The following CAST variants were observed in gnomAD, a reference collection of about 807,000 sequenced individuals.
The protein encoded by CAST is calpastatin.
Under a neutral mutation model 119.6 loss-of-function variants are expected in CAST, and 76 were observed. That is an observed-to-expected ratio of 0.64 (90% CI 0.53 to 0.77). The LOEUF (loss-of-function observed/expected upper bound fraction) is 0.77, where lower values mean the gene tolerates loss of function less well. Ranked by LOEUF, CAST falls within the 30% of genes least tolerant of loss-of-function variation. The pLI is 0.00. For missense variants in CAST, 953 were observed against 946.5 expected, an observed-to-expected ratio of 1.01 and a Z score of -0.09; for synonymous variants, 319 against 331.6, an observed-to-expected ratio of 0.96 and a Z score of 0.41.
intron 1 of CAST, among the ~76,000 whole-genome samples, chr5:96,613,879 T>C (rs1747408075): frequency 6.6e-6 from 1 of 152,228 alleles, no homozygotes; most frequent in South Asian, 2.1e-4. Flanking sequence ...AATGAAATTT[T>C]ATACTTTTTA....
At chr5:96,064,373 T>G in the CAST span, among the ~76,000 whole-genome samples, 1 of 152,148 alleles carries the variant, frequency 6.6e-6, no homozygotes, top group African/African-American at 2.4e-5. Context: ...TAATCTAAAT[T>G]GTTTTTGCAC....
chr5:96,711,807 T>C lies in CAST; in HGVS notation c.211-10832T>C, dbSNP rs112676146. ...TGCTCTTTTGTTATATGCAGTATCT[T>C]AGGACTGCTGAAATTCTAATGGGTG... On this transcript the variant is annotated intron_variant, in intron 3 of 31. Coordinates refer to ENST00000675179, the MANE Select transcript of CAST (RefSeq NM_001750.7). Among the ~76,000 whole-genome samples, 591 of 152,324 alleles carry C rather than the reference T, an allele frequency of 3.9e-3. 10 individuals are homozygous for C. Among genetic ancestry groups the C allele is most frequent in the South Asian group, 0.033 (159 of 4,822 alleles).
At chr5:96,173,078 T>G in the CAST span, among the ~76,000 whole-genome samples, 14 of 152,254 alleles carry the variant, frequency 9.2e-5, no homozygotes, top group African/African-American at 2.9e-4. Context: ...ATCTACATCC[T>G]ACCTCTGGCA....
intron 3 of CAST, among the ~76,000 whole-genome samples, chr5:96,699,803 C>T (rs561594124): frequency 6.6e-6 from 1 of 152,188 alleles, no homozygotes; most frequent in South Asian, 2.1e-4. Context: ...AATATGTGGC[C>T]TCCTGCTGAA....
the CAST span, among the ~76,000 whole-genome samples, chr5:96,129,100 G>A: frequency 2.5e-3 from 383 of 152,166 alleles, 1 homozygote; most frequent in Non-Finnish European, 3.8e-3. Flanking sequence ...TGTCCATTTT[G>A]CACTCTTCTC....
At chr5:96,582,654 C>T (rs1746790228) in intron 1 of CAST, among the ~76,000 whole-genome samples, 1 of 152,206 alleles carries the variant, frequency 6.6e-6, no homozygotes. Context: ...CCTGCATTTC[C>T]CTCCATTAGC....
At chr5:96,241,554 T>C in the CAST span, among the ~76,000 whole-genome samples, 6 of 148,978 alleles carry the variant, frequency 4.0e-5, no homozygotes, top group East Asian at 1.2e-3. Context: ...AGCAGCATGA[T>C]TTATAGTCCT....
the CAST span, among the ~76,000 whole-genome samples, chr5:96,507,232 A>G: frequency 6.6e-6 from 1 of 152,064 alleles, no homozygotes; most frequent in Non-Finnish European, 1.5e-5. Context: ...AGAGGTTGGG[A>G]GAAAAGGGGC....
At chr5:96,299,279 CAACAACAACAACA>C in the CAST span, among the ~76,000 whole-genome samples, 7 of 141,000 alleles carry the variant, frequency 5.0e-5, no homozygotes, top group African/African-American at 1.9e-4. Flanking sequence ...ACAACAACAA[CAACAACAACAACA>C]AACAAACAAA....
the CAST span, among the ~76,000 whole-genome samples, chr5:96,203,704 C>G: frequency 2.6e-5 from 4 of 151,886 alleles, no homozygotes; most frequent in Admixed American, 2.6e-4. Context: ...TTTTTCCTGC[C>G]TAAACTCATG....
At chr5:96,619,380 C>T (rs1452641146) in intron 1 of CAST, among the ~76,000 whole-genome samples, 1 of 147,188 alleles carries the variant, frequency 6.8e-6, no homozygotes, top group South Asian at 2.1e-4. Context: ...CCAATCAGCT[C>T]TCTGTAAAAT....
At chr5:96,336,773 G>A in the CAST span, among the ~76,000 whole-genome samples, 1 of 152,252 alleles carries the variant, frequency 6.6e-6, no homozygotes, top group Non-Finnish European at 1.5e-5. Flanking sequence ...AGCATGTGAT[G>A]GACCTCAAAA....
the CAST span, among the ~76,000 whole-genome samples, chr5:96,487,164 A>C: frequency 6.6e-5 from 10 of 152,076 alleles, no homozygotes; most frequent in African/African-American, 2.4e-4. Context: ...GTTCTGCACC[A>C]CATATTACAG....
chr5:96,391,262 A>G, the CAST span: 1 of 152,208 alleles, frequency 6.6e-6, no homozygotes, highest in Non-Finnish European at 1.5e-5. Flanking sequence ...AATTTGTGTT[A>G]CCAACCATAC....
chr5:96,569,587 T>C (rs576576539), intron 1 of CAST, among the ~76,000 whole-genome samples: 255 of 152,290 alleles, frequency 1.7e-3, no homozygotes, highest in African/African-American at 5.9e-3. Flanking sequence ...ACCCTGTCAA[T>C]TTCCACATCC....
At chr5:96,084,912 C>A in the CAST span, among the ~76,000 whole-genome samples, 1 of 152,220 alleles carries the variant, frequency 6.6e-6, no homozygotes, top group African/African-American at 2.4e-5. Flanking sequence ...AGGACAAAAA[C>A]AACAAATGCC....
upstream of CAST, among the ~76,000 whole-genome samples, chr5:96,661,845 C>G (rs1748538694): frequency 7.0e-6 from 1 of 143,042 alleles, no homozygotes; most frequent in African/African-American, 2.9e-5. Context: ...AAAACATACA[C>G]AGGCGCGTGC....
intron 6 of CAST, chr5:96,728,877 A>C (rs937595708): frequency 2.9e-6 from 1 of 343,628 alleles, no homozygotes. Flanking sequence ...CCAGTAATTT[A>C]GAGACATACG....
rs750085988 is a variant in CAST at position 96,722,634 on chromosome 5, T to C, written c.211-5T>C. 26 of 1,608,492 alleles carry C rather than the reference T, an allele frequency of 1.6e-5. 1 individual carries two copies. The South Asian group carries it at 2.5e-4, about 16-fold the overall frequency. On this transcript the variant is annotated splice_region_variant and splice_polypyrimidine_tract_variant and intron_variant, in intron 3 of 31. Coordinates refer to ENST00000675179, the MANE Select transcript of CAST (RefSeq NM_001750.7). The stretch of plus-strand genomic sequence containing the variant: ...GAACTTTCTATTTCTTTCTTTCCTT[T>C]CTAGGTGTCAGCTTCCTCTGGTGCA...
Sources: allele counts gnomAD v4.1 joint callset (sites outside exome capture counted in the v4.1 genomes callset), GRCh38; gene constraint gnomAD v4.1.1; transcripts MANE v1.5; gene names NCBI Gene and HGNC (gene_info 2026-07-23, HGNC 2026-07-21).